ACBD5: variants seen among roughly 807,000 people sequenced by gnomAD.
ACBD5 encodes the protein acyl-CoA-binding domain-containing protein 5.
In ACBD5, 40 loss-of-function variants were observed where a neutral mutation model predicts 71.8. The observed-to-expected ratio is 0.56, with a 90% CI of 0.43 to 0.72. ACBD5 has a LOEUF of 0.72. ACBD5 is among the 30% of genes least tolerant of loss of function. The probability of loss-of-function intolerance (pLI) is 0.00; values close to 1 mark genes in which losing one functional copy is unlikely to be tolerated. For missense variants in ACBD5, 559 were observed against 644.5 expected (o/e 0.87, Z 1.44); for synonymous variants, 229 against 218.6 (o/e 1.05, Z -0.42).
chr10:27,193,707 T>C (rs553249072), downstream of ACBD5, among the ~76,000 whole-genome samples: 5 of 152,060 alleles, frequency 3.3e-5, no homozygotes, highest in Non-Finnish European at 7.4e-5. Context: ...CTTGCAAGCA[T>C]GAAGATAAAA....
chr10:27,213,902 G>T (rs1228361934), intron 8 of ACBD5, among the ~76,000 whole-genome samples: 2 of 152,132 alleles, frequency 1.3e-5, no homozygotes, highest in Non-Finnish European at 2.9e-5. Context: ...CAATAGCCAA[G>T]ATTTGGAAGC....
downstream of ACBD5, among the ~76,000 whole-genome samples, chr10:27,194,852 C>T (rs759323618): frequency 3.3e-5 from 5 of 151,668 alleles, no homozygotes; most frequent in East Asian, 1.9e-4. Flanking sequence ...AAAAATTAGC[C>T]GGGAGTGGTG....
intron 3 of ACBD5, 134 bp downstream of exon 3, chr10:27,234,958 C>G: frequency 1.1e-6 from 1 of 899,316 alleles, no homozygotes; most frequent in South Asian, 1.6e-5. Flanking sequence ...AAAAGAAAAC[C>G]TGGAGGATAA....
rs528919669 is a variant in ACBD5, at chr10:27,218,837, C to T, written c.626-654G>A. Among the ~76,000 whole-genome samples, 769 of 152,190 alleles carry T rather than the reference C, an allele frequency of 5.1e-3. 2 individuals are homozygous for T. The highest frequency in any genetic ancestry group is 7.1e-3 in the Non-Finnish European group (483 of 68,004). ...CCAACCTCAGGTGATCTGCCCGCCT[C>T]GGCCTCCCAAACTGCTGGGATTACG... is the stretch of plus-strand genomic sequence containing the variant. On this transcript the variant is annotated intron_variant, in intron 6 of 12. Transcript: ENST00000396271.
chr10:27,189,966 CACTT>C (rs1391154599), intron 13 of ACBD5, among the ~76,000 whole-genome samples: 1 of 151,412 alleles, frequency 6.6e-6, no homozygotes, highest in East Asian at 2.0e-4. Flanking sequence ...TATCAGTAAA[CACTT>C]ATCTAAAAAA....
downstream of ACBD5, among the ~76,000 whole-genome samples, chr10:27,191,077 G>C (rs11015599): frequency 0.16 from 23,799 of 152,154 alleles, 2,201 homozygotes; most frequent in East Asian, 0.4. Context: ...TCCTTCAACA[G>C]GTGAATGAAT....
chr10:27,205,670 A>T (rs788206), intron 10 of ACBD5, among the ~76,000 whole-genome samples: 150,726 of 151,666 alleles, frequency 0.99, 74,902 homozygotes, highest in Middle Eastern at 1. Context: ...CTGGGAGGCA[A>T]GCACCACCAC....
chr10:27,239,458 G>T (rs1296579686), intron 2 of ACBD5, among the ~76,000 whole-genome samples: 1 of 152,072 alleles, frequency 6.6e-6, no homozygotes, highest in Non-Finnish European at 1.5e-5. Context: ...CTAAAAAGCA[G>T]CCAGAGAAAT....
intron 6 of ACBD5, among the ~76,000 whole-genome samples, chr10:27,219,236 G>GGCAGAGGCT (rs2062029693): frequency 2.6e-5 from 4 of 151,878 alleles, no homozygotes; most frequent in Admixed American, 2.0e-4. Flanking sequence ...TGCAGAGGGC[G>GGCAGAGGCT]GCAGAGGCTG....
At chr10:27,210,419 A>G (rs1015644970) in intron 9 of ACBD5, among the ~76,000 whole-genome samples, 2 of 152,250 alleles carry the variant, frequency 1.3e-5, no homozygotes, top group Non-Finnish European at 2.9e-5. Context: ...TTTTGAGATC[A>G]GTCTGGGCAA....
At chr10:27,225,384 A>C (rs1402527220) in intron 4 of ACBD5, among the ~76,000 whole-genome samples, 1 of 152,222 alleles carries the variant, frequency 6.6e-6, no homozygotes, top group Admixed American at 6.5e-5. Flanking sequence ...TGATAGGATT[A>C]CATGCTCATC....
chr10:27,201,178 TAAAC>T (rs1387042654), intron 12 of ACBD5, among the ~76,000 whole-genome samples: 2 of 152,156 alleles, frequency 1.3e-5, no homozygotes, highest in African/African-American at 2.4e-5. Flanking sequence ...GATAAATAAA[TAAAC>T]AAAGTAATAG....
At chr10:27,195,028 G>A (rs2059267705), downstream of ACBD5, among the ~76,000 whole-genome samples, 1 of 152,018 alleles carries the variant, frequency 6.6e-6, no homozygotes. Flanking sequence ...TGACTGGATT[G>A]CTAATATTCT....
At chr10:27,239,017 G>A (rs11015621) in intron 2 of ACBD5, among the ~76,000 whole-genome samples, 11,991 of 152,018 alleles carry the variant, frequency 0.079, 1,533 homozygotes, top group African/African-American at 0.27. Flanking sequence ...GACCAACATG[G>A]AGAAACCCCG....
intron 3 of ACBD5, 48 bp downstream of exon 3, chr10:27,235,044 T>C (rs1400810444): frequency 1.3e-6 from 2 of 1,568,724 alleles, no homozygotes; most frequent in Non-Finnish European, 1.8e-6. Context: ...ATATGATAAT[T>C]ATGTCATTAA....
intron 12 of ACBD5, among the ~76,000 whole-genome samples, 200 bp from the exon 13 acceptor site, chr10:27,197,642 A>ATTAT (rs925057543): frequency 5.9e-5 from 9 of 152,134 alleles, no homozygotes; most frequent in African/African-American, 1.9e-4. Context: ...ACAGTTTTAA[A>ATTAT]TTATTTATTT....
chr10:27,224,133 C>T (rs7904245), intron 4 of ACBD5, among the ~76,000 whole-genome samples: 14,448 of 149,002 alleles, frequency 0.097, 2,259 homozygotes, highest in African/African-American at 0.33. Context: ...CAGGCCAAAG[C>T]AGGAGGAGGA....
chr10:27,216,523 G>T (rs553729496), intron 7 of ACBD5, among the ~76,000 whole-genome samples: 1 of 152,030 alleles, frequency 6.6e-6, no homozygotes, highest in Non-Finnish European at 1.5e-5. Flanking sequence ...TGATCCACCC[G>T]CCTCGGCCTC....
intron 2 of ACBD5, among the ~76,000 whole-genome samples, chr10:27,236,387 A>C (rs2064695828): frequency 6.6e-6 from 1 of 152,222 alleles, no homozygotes; most frequent in Non-Finnish European, 1.5e-5. Flanking sequence ...AAATATTTAT[A>C]TACATAAAAA....
Sources: allele counts gnomAD v4.1 joint callset (sites outside exome capture counted in the v4.1 genomes callset), GRCh38; gene constraint gnomAD v4.1.1; transcripts MANE v1.5; gene names NCBI Gene and HGNC (gene_info 2026-07-23, HGNC 2026-07-21).